The following MAN2A1 variants were observed in gnomAD, a reference collection of about 807,000 sequenced individuals.
MAN2A1 encodes mannosidase alpha class 2A member 1, also known as alpha-mannosidase 2.
A neutral mutation model predicts 142.6 loss-of-function variants in MAN2A1; 76 were observed. The observed-to-expected ratio is 0.53, with a 90% CI of 0.44 to 0.65. MAN2A1 has a LOEUF of 0.65. Among genes scored for constraint, MAN2A1 ranks in the 30% least tolerant of loss-of-function variants. MAN2A1 has a pLI of 0.00. For missense variants in MAN2A1, 1,311 were observed against 1,365.1 expected (o/e 0.96, Z 0.62); for synonymous variants, 559 against 473.2 (o/e 1.18, Z -2.35).
At chr5:109,785,913 C>T (rs761407131) in intron 10 of MAN2A1, among the ~76,000 whole-genome samples, 9 of 151,900 alleles carry the variant, frequency 5.9e-5, no homozygotes, top group South Asian at 2.1e-4. Flanking sequence ...ATGAGAAAAG[C>T]GTATACAACA....
chr5:109,729,589 G>C, intron 4 of MAN2A1, 76 bp downstream of exon 4: 2 of 742,210 alleles, frequency 2.7e-6, no homozygotes, highest in Non-Finnish European at 4.0e-6. Flanking sequence ...TGAATTTTTA[G>C]ATGGTGAAAA....
chr5:109,753,903 T>TTTTTTC (rs1561494393), intron 4 of MAN2A1, among the ~76,000 whole-genome samples: 1 of 151,562 alleles, frequency 6.6e-6, no homozygotes, highest in Non-Finnish European at 1.5e-5. Flanking sequence ...TTTTTTTTTC[T>TTTTTTC]TTTTTCTTTT....
intron 8 of MAN2A1, among the ~76,000 whole-genome samples, chr5:109,777,743 G>A (rs1000377417): frequency 3.3e-5 from 5 of 151,994 alleles, no homozygotes; most frequent in South Asian, 4.1e-4. Context: ...TGTGAATTGT[G>A]TGAGGGTAGG....
At chr5:109,866,293 G>A (rs1236005904) in intron 21 of MAN2A1, among the ~76,000 whole-genome samples, 1 of 152,136 alleles carries the variant, frequency 6.6e-6, no homozygotes, top group African/African-American at 2.4e-5. Context: ...GCAGCGGTGA[G>A]GGAAATACTT....
chr5:109,735,456 T>C (rs994832331), intron 4 of MAN2A1, among the ~76,000 whole-genome samples: 1 of 152,228 alleles, frequency 6.6e-6, no homozygotes, highest in Non-Finnish European at 1.5e-5. Context: ...TGATGCAGTT[T>C]CTTCCTAGCC....
At chr5:109,860,653 G>A (rs1755731904) in intron 20 of MAN2A1, among the ~76,000 whole-genome samples, 1 of 152,132 alleles carries the variant, frequency 6.6e-6, no homozygotes, top group Non-Finnish European at 1.5e-5. Flanking sequence ...AGAGAGGAAT[G>A]ACATAACTCA....
Position 109,819,840 on chromosome 5 carries a change from G to C in MAN2A1, c.2281G>C (p.Glu761Gln). The change falls in exon 14 of 22, where the codon GAG becomes CAG. Residue 761 changes from glutamate to glutamine, a missense_variant. Coordinates refer to ENST00000261483, the MANE Select transcript of MAN2A1 (RefSeq NM_002372.4). ...MINTEEGITL[E>Q]NSFVLLRFDQ... ...AAATACTGAAGAAGGTATAACACTAGAGAACTCCTTTGTTTTACTTCGGTT... is the reference window on the plus strand; with the variant it reads ...AAATACTGAAGAAGGTATAACACTACAGAACTCCTTTGTTTTACTTCGGTT... 6.2e-7 allele frequency: 1 copy of C among 1,608,908 alleles called. No homozygotes were observed. The highest frequency in any genetic ancestry group is 8.5e-7 in the Non-Finnish European group (1 of 1,178,054).
In MAN2A1 at chr5:109,788,946, G is replaced by A. The variant is rs751012585; in HGVS notation, c.1773G>A (p.Ser591=). ...VVDYGTRLFH[S]LMVLEKIIGN... The stretch of plus-strand genomic sequence containing the variant: ...TTTTGATTTACAGACTTTTTCATTC[G>A]TTAATGGTTTTGGAGAAGATAATTG... The change falls in exon 11 of 22, where the codon TCG becomes TCA. Residue 591 remains serine, a synonymous_variant. Transcript: ENST00000261483. 87 of 1,552,120 alleles carry A rather than the reference G, an allele frequency of 5.6e-5. No individual in the cohort carries two copies. The highest frequency in any genetic ancestry group is 1.7e-4 in the South Asian group (15 of 87,538).
At chr5:109,708,211 G>A (rs1340264094) in intron 1 of MAN2A1, among the ~76,000 whole-genome samples, 1 of 152,104 alleles carries the variant, frequency 6.6e-6, no homozygotes, top group Admixed American at 6.5e-5. Context: ...CCAGAGGGAA[G>A]GAGTGCTCCA....
At chr5:109,699,163 C>CT (rs1349985426) in intron 1 of MAN2A1, among the ~76,000 whole-genome samples, 1 of 152,202 alleles carries the variant, frequency 6.6e-6, no homozygotes. Context: ...ACTCCCCACT[C>CT]TGTCAGTCAA....
At chr5:109,730,844 C>T (rs1751884115) in intron 4 of MAN2A1, among the ~76,000 whole-genome samples, 1 of 152,150 alleles carries the variant, frequency 6.6e-6, no homozygotes, top group South Asian at 2.1e-4. Context: ...TGTCCACCTC[C>T]AGAGGCTGTC....
At chr5:109,842,282 C>G (rs1438960485) in intron 16 of MAN2A1, 46 bp from the exon 17 acceptor site, 3 of 1,289,062 alleles carry the variant, frequency 2.3e-6, no homozygotes, top group Admixed American at 5.6e-5. Flanking sequence ...AAAGGTGAGG[C>G]AAGTAATTTC....
intron 10 of MAN2A1, among the ~76,000 whole-genome samples, chr5:109,787,462 G>A (rs1753623533): frequency 6.6e-6 from 1 of 151,980 alleles, no homozygotes; most frequent in Non-Finnish European, 1.5e-5. Flanking sequence ...ATGTTGAAAC[G>A]TTTAGAATTT....
intron 2 of MAN2A1, among the ~76,000 whole-genome samples, chr5:109,714,528 C>T (rs1218456004): frequency 3.3e-5 from 5 of 152,072 alleles, no homozygotes; most frequent in Non-Finnish European, 4.4e-5. Context: ...GCAATGGAGT[C>T]GAAAACCAGC....
chr5:109,704,118 G>C (rs1051650951), intron 1 of MAN2A1, among the ~76,000 whole-genome samples: 4 of 152,160 alleles, frequency 2.6e-5, no homozygotes, highest in Non-Finnish European at 5.9e-5. Flanking sequence ...CTACTAAGTT[G>C]GTGGCCCAGC....
At chr5:109,849,472 A>G (rs1755425494) in intron 19 of MAN2A1, among the ~76,000 whole-genome samples, 1 of 152,114 alleles carries the variant, frequency 6.6e-6, no homozygotes, top group African/African-American at 2.4e-5. Flanking sequence ...ATACAACTCC[A>G]AGACAGACAT....
chr5:109,735,138 G>A (rs1258640819), intron 4 of MAN2A1, among the ~76,000 whole-genome samples: 5 of 151,990 alleles, frequency 3.3e-5, no homozygotes, highest in Non-Finnish European at 2.9e-5. Context: ...GGCCTTCTTT[G>A]TCTCTTTTGA....
chr5:109,787,026 AGCAAGAATACATCATG>A (rs1408612442), intron 10 of MAN2A1, among the ~76,000 whole-genome samples: 1 of 152,040 alleles, frequency 6.6e-6, no homozygotes, highest in Non-Finnish European at 1.5e-5. Context: ...CAAACTGGAA[AGCAAGAATACATCATG>A]GCATATTTGG....
chr5:109,702,315 T>TTGTGTGTGTGTGTGTGTG (rs34048618), intron 1 of MAN2A1, among the ~76,000 whole-genome samples: 17 of 144,144 alleles, frequency 1.2e-4, no homozygotes, highest in African/African-American at 3.9e-4. Context: ...AGAACATAAA[T>TTGTGTGTGTGTGTGTGTG]TGTGTGTGTG....
Sources: allele counts gnomAD v4.1 joint callset (sites outside exome capture counted in the v4.1 genomes callset), GRCh38; gene constraint gnomAD v4.1.1; transcripts MANE v1.5; gene names NCBI Gene and HGNC (gene_info 2026-07-23, HGNC 2026-07-21).